ATF7: variants seen among roughly 807,000 people sequenced by gnomAD.
ATF7 encodes activating transcription factor 7, also known as cyclic AMP-dependent transcription factor ATF-7.
Under a neutral mutation model 50.4 loss-of-function variants are expected in ATF7, and 10 were observed. The observed-to-expected ratio is 0.20, with a 90% CI of 0.12 to 0.34. The LOEUF is 0.34. Ranked by LOEUF, ATF7 falls within the 10% of genes least tolerant of loss-of-function variation. The pLI is 1.00. For synonymous variants in ATF7, 201 were observed against 226.4 expected, an observed-to-expected ratio of 0.89 and a Z score of 1.01; for missense variants, 465 against 613.9, an observed-to-expected ratio of 0.76 and a Z score of 2.56.
intron 1 of ATF7, among the ~76,000 whole-genome samples, chr12:53,613,535 TTC>T (rs1386047643): frequency 6.6e-6 from 1 of 152,118 alleles, no homozygotes; most frequent in Admixed American, 6.6e-5. Context: ...ATTTTATTTT[TTC>T]TGAGACAGGG....
chr12:53,571,014 T>C (rs1941726660), intron 2 of ATF7, among the ~76,000 whole-genome samples: 1 of 152,086 alleles, frequency 6.6e-6, no homozygotes, highest in Admixed American at 6.6e-5. Context: ...CCTTATATGG[T>C]GATTAAATTA....
chr12:53,564,637 G>A (rs1941340181), intron 2 of ATF7, among the ~76,000 whole-genome samples: 1 of 152,152 alleles, frequency 6.6e-6, no homozygotes, highest in Non-Finnish European at 1.5e-5. Flanking sequence ...CTGACAAAAG[G>A]AAAAGTATGT....
chr12:53,519,198 T>C (rs1937936247), intron 11 of ATF7, among the ~76,000 whole-genome samples: 1 of 152,184 alleles, frequency 6.6e-6, no homozygotes, highest in Non-Finnish European at 1.5e-5. Context: ...GTACCAGGCA[T>C]GGGTACACAG....
chr12:53,523,143 C>CA, intron 11 of ATF7, 133 bp downstream of exon 11: 1 of 655,682 alleles, frequency 1.5e-6, no homozygotes. Flanking sequence ...GGTTGCTCCA[C>CA]AAGGGCCACT....
At chr12:53,539,511 T>C (rs927211165) in intron 4 of ATF7, among the ~76,000 whole-genome samples, 7 of 151,798 alleles carry the variant, frequency 4.6e-5, no homozygotes, top group African/African-American at 9.7e-5. Context: ...CTGTGCAACA[T>C]AGTGAGACCC....
intron 3 of ATF7, 149 bp from the exon 4 acceptor site, chr12:53,543,597 T>A: frequency 1.2e-6 from 1 of 805,164 alleles, no homozygotes; most frequent in Non-Finnish European, 1.9e-6. Context: ...GGAGCTCTAG[T>A]AGGCGAAGGC....
At chr12:53,623,358 TTTTC>T (rs1944479600) in intron 1 of ATF7, among the ~76,000 whole-genome samples, 1 of 152,312 alleles carries the variant, frequency 6.6e-6, no homozygotes, top group Non-Finnish European at 1.5e-5. Context: ...TTAAAAATTA[TTTTC>T]TTTGACATAT....
intron 1 of ATF7, among the ~76,000 whole-genome samples, chr12:53,604,021 T>C (rs2137838194): frequency 6.6e-6 from 1 of 152,368 alleles, no homozygotes; most frequent in Admixed American, 6.5e-5. Flanking sequence ...GCAGATCATG[T>C]GTCTGGGCAT....
In ATF7 at chr12:53,526,208, CAA is replaced by C. The variant is rs558563596; in HGVS notation, c.928-1449_928-1448del. Among the ~76,000 whole-genome samples the C allele has an allele frequency of 1.6e-4, 19 of 120,936 alleles. No individual in the cohort carries two copies. In the East Asian group the frequency reaches 2.2e-3, roughly 14 times the overall value. 79.3% of individuals were successfully genotyped at this position (120,936 alleles called of 152,430 possible). On this transcript the variant is annotated intron_variant, in intron 9 of 11. Coordinates refer to ENST00000420353, the MANE Select transcript of ATF7 (RefSeq NM_006856.3). The stretch of plus-strand genomic sequence containing the variant: ...GGATAACAAGAGTGAAACTCGGTCT[CAA>C]AAAAAAAAAAAAAAAAGTTATACCA...
intron 1 of ATF7, among the ~76,000 whole-genome samples, chr12:53,612,605 CA>C (rs1943935859): frequency 6.6e-6 from 1 of 152,088 alleles, no homozygotes; most frequent in African/African-American, 2.4e-5. Context: ...TCTAAGACTA[CA>C]GTTCTCAAAG....
intron 1 of ATF7, among the ~76,000 whole-genome samples, chr12:53,606,852 T>C (rs973379043): frequency 3.1e-4 from 47 of 151,950 alleles, no homozygotes; most frequent in African/African-American, 1.0e-3. Context: ...CTGAGAATGA[T>C]GGTTTCCAGT....
intron 2 of ATF7, among the ~76,000 whole-genome samples, chr12:53,553,227 G>A (rs887387812): frequency 1.3e-5 from 2 of 152,182 alleles, no homozygotes; most frequent in African/African-American, 2.4e-5. Flanking sequence ...GGACCAAGGC[G>A]CAATGGCCAG....
At chr12:53,604,429 CAGATTATTTATGTATATCT>C (rs1281652583) in intron 1 of ATF7, among the ~76,000 whole-genome samples, 1 of 152,088 alleles carries the variant, frequency 6.6e-6, no homozygotes, top group East Asian at 1.9e-4. Flanking sequence ...TGTAAGAAAA[CAGATTATTTATGTATATCT>C]AGATATATGT....
intron 1 of ATF7, among the ~76,000 whole-genome samples, chr12:53,610,424 G>C (rs1329197532): frequency 1.3e-5 from 2 of 151,960 alleles, no homozygotes; most frequent in Admixed American, 6.6e-5. Context: ...AATTAGCCGG[G>C]TGTCATGGCA....
chr12:53,543,829 C>G (rs1043575413), intron 3 of ATF7: 3 of 178,682 alleles, frequency 1.7e-5, no homozygotes, highest in African/African-American at 7.1e-5. Flanking sequence ...TATTTTCTTT[C>G]GTAAATTTAC....
chr12:53,569,274 C>T (rs536027952), intron 2 of ATF7, among the ~76,000 whole-genome samples: 2 of 152,260 alleles, frequency 1.3e-5, no homozygotes, highest in Non-Finnish European at 2.9e-5. Context: ...AGAAGAACAG[C>T]AGCAGCTGGG....
chr12:53,621,989 T>C (rs1264229680), intron 1 of ATF7, among the ~76,000 whole-genome samples: 1 of 152,044 alleles, frequency 6.6e-6, no homozygotes, highest in Non-Finnish European at 1.5e-5. Flanking sequence ...CCTGATCTTT[T>C]ATTTAAAATG....
intron 2 of ATF7, among the ~76,000 whole-genome samples, chr12:53,562,806 C>G (rs1043972884): frequency 6.6e-6 from 1 of 151,856 alleles, no homozygotes; most frequent in African/African-American, 2.4e-5. Context: ...GCAAGAAGAT[C>G]AGAGTAAGAA....
intron 1 of ATF7, among the ~76,000 whole-genome samples, chr12:53,618,825 G>A (rs1229141185): frequency 6.6e-6 from 1 of 152,142 alleles, no homozygotes; most frequent in African/African-American, 2.4e-5. Flanking sequence ...GCTGAGGTAG[G>A]TGGATTGCCT....
Sources: gnomAD v4.1 joint callset for allele counts (sites outside exome capture counted in the v4.1 genomes callset) on GRCh38, gnomAD v4.1.1 for gene constraint, MANE v1.5 for transcripts, NCBI Gene and HGNC (gene_info 2026-07-23, HGNC 2026-07-21) for gene names.